ZNF274: variants seen among roughly 807,000 people sequenced by gnomAD.
ZNF274 encodes the protein neurotrophin receptor-interacting factor homolog.
A neutral mutation model predicts 42.5 loss-of-function variants in ZNF274; 23 were observed. The observed-to-expected ratio is 0.54, with a 90% CI of 0.39 to 0.77. ZNF274 has a LOEUF of 0.77. Among genes scored for constraint, ZNF274 ranks in the 30% least tolerant of loss-of-function variants. The probability of loss-of-function intolerance (pLI) is 0.00; values close to 1 mark genes in which losing one functional copy is unlikely to be tolerated. For missense variants in ZNF274, 679 were observed against 806.5 expected, an observed-to-expected ratio of 0.84 and a Z score of 1.91; for synonymous variants, 292 against 305.4, an observed-to-expected ratio of 0.96 and a Z score of 0.46.
rs939489187 is a variant in ZNF274 at position 58,204,150 on chromosome 19, G to T, written c.257-2570G>T. Among the ~76,000 whole-genome samples the T allele has an allele frequency of 5.3e-5, 8 of 152,326 alleles. No individual in the cohort carries two copies. The South Asian group carries it at 1.4e-3, about 28-fold the overall frequency. On this transcript the variant is annotated intron_variant, in intron 4 of 7. Transcript: ENST00000617501. ...CTCAGCGGAACGTCTACCCCAGCCC[G>T]CGAGGTCCGGAGAAATACCTTCAGG... is the stretch of plus-strand genomic sequence containing the variant.
intron 4 of ZNF274, among the ~76,000 whole-genome samples, chr19:58,197,412 A>G (rs993610436): frequency 2.0e-5 from 3 of 152,254 alleles, no homozygotes; most frequent in Non-Finnish European, 4.4e-5. Context: ...ATCATGTCGT[A>G]GAGAAGGCAA....
chr19:58,206,954 T>G lies in ZNF274; in HGVS notation c.491T>G (p.Phe164Cys). Reference sequence around the variant, plus strand: ...GACCCTGAGGCCGCGCGCCAGAGGTTCCGGCAGTTCCGTTATAAGGACATG... The same window carrying G: ...GACCCTGAGGCCGCGCGCCAGAGGTGCCGGCAGTTCCGTTATAAGGACATG... ...PGDPEAARQRFRQFRYKDMTG... is the reference protein window; with the variant it reads ...PGDPEAARQRCRQFRYKDMTG... The change falls in exon 5 of 8, where the codon TTC (phenylalanine) becomes TGC (cysteine). Residue 164 changes from phenylalanine to cysteine, a missense_variant. Physicochemically the swap from Phe to Cys is radical, Grantham distance 205 (BLOSUM62 -2). Coordinates refer to ENST00000617501, the MANE Select transcript of ZNF274 (RefSeq NM_133502.3). The G allele has an allele frequency of 1.2e-6, 2 of 1,610,586 alleles. No individual in the cohort carries two copies. The highest frequency in any genetic ancestry group is 2.2e-5 in the South Asian group (2 of 90,518).
At position 58,186,770 on chromosome 19, in the gene ZNF274, T is replaced by G. The variant is rs538382399; in HGVS notation, c.161-177T>G. Among the ~76,000 whole-genome samples the G allele has an allele frequency of 7.4e-4, 108 of 145,348 alleles. 3 individuals carry two copies. In the South Asian group the frequency reaches 0.021, roughly 29 times the overall value. ...ACCAGAACTGGACCCCTTAGCTGCT[T>G]GGCAAAGGAGTCTAGGAAAGCCAAC... is the stretch of plus-strand genomic sequence containing the variant. On this transcript the variant is annotated intron_variant, in intron 3 of 7. Coordinates refer to ENST00000617501, the MANE Select transcript of ZNF274 (RefSeq NM_133502.3).
In ZNF274 at chr19:58,213,270, A is replaced by G. The variant is rs2076065767; in HGVS notation, c.*127A>G. On this transcript the variant is annotated 3_prime_UTR_variant, in exon 8 of 8. Transcript: ENST00000617501. ...TTGAGTGAGGACATTCCCAAAACCAAAGGACAACTGAGGAGACTGCCCAGC... is the reference window on the plus strand; with the variant it reads ...TTGAGTGAGGACATTCCCAAAACCAGAGGACAACTGAGGAGACTGCCCAGC... 7.9e-7 allele frequency: 1 copy of G among 1,265,798 alleles called. No individual in the cohort carries two copies. The highest frequency in any genetic ancestry group is 2.5e-5 in the East Asian group (1 of 40,802). 78.4% of individuals were successfully genotyped at this position (1,265,798 alleles called of 1,614,324 possible). A position where few individuals can be genotyped will look rare whatever the true frequency, so the allele number is the denominator to read the frequency against.
intron 4 of ZNF274, among the ~76,000 whole-genome samples, chr19:58,190,338 G>T (rs1400821076): frequency 6.6e-6 from 1 of 151,960 alleles, no homozygotes; most frequent in African/African-American, 2.4e-5. Flanking sequence ...TGTAACAGTT[G>T]TGTTACATCA....
chr19:58,192,429 C>G (rs763409873), intron 4 of ZNF274, among the ~76,000 whole-genome samples: 2 of 152,094 alleles, frequency 1.3e-5, no homozygotes, highest in African/African-American at 4.8e-5. Flanking sequence ...ACTCAGTGGA[C>G]CTAGGTGAGT....
chr19:58,186,802 G>A (rs2075704782), intron 3 of ZNF274, 145 bp from the exon 4 acceptor site: 1 of 655,638 alleles, frequency 1.5e-6, no homozygotes, highest in South Asian at 1.9e-5. Context: ...CAACAACAGG[G>A]ATGGATGGAG....
intron 4 of ZNF274, among the ~76,000 whole-genome samples, chr19:58,193,491 C>T (rs1342850634): frequency 8.4e-6 from 1 of 119,156 alleles, no homozygotes; most frequent in Non-Finnish European, 1.6e-5. Context: ...GCTCTGTCAT[C>T]CAGGCTTCTG....
chr19:58,209,280 G>A (rs2076012013), intron 5 of ZNF274: 1 of 152,212 alleles, frequency 6.6e-6, no homozygotes, highest in Admixed American at 6.5e-5. Flanking sequence ...TCTAATCACT[G>A]TGGCCAAGAG....
intron 4 of ZNF274, among the ~76,000 whole-genome samples, chr19:58,189,815 C>G (rs1270510449): frequency 6.6e-6 from 1 of 152,096 alleles, no homozygotes; most frequent in African/African-American, 2.4e-5. Context: ...ACCTGTCATG[C>G]TCTTAAATTC....
intron 4 of ZNF274, among the ~76,000 whole-genome samples, chr19:58,197,691 A>G (rs1365223724): frequency 1.3e-5 from 2 of 152,220 alleles, no homozygotes; most frequent in African/African-American, 4.8e-5. Context: ...GCTTTGAAAC[A>G]AAAGGGTAGG....
At chr19:58,197,609 G>A (rs968059406) in intron 4 of ZNF274, among the ~76,000 whole-genome samples, 7 of 152,172 alleles carry the variant, frequency 4.6e-5, no homozygotes, top group African/African-American at 1.7e-4. Context: ...ATAACGTTGA[G>A]TGAATAGATG....
rs1368213157 is a variant in ZNF274 at position 58,207,224 on chromosome 19, G to A, written c.739+22G>A. On this transcript the variant is annotated intron_variant, in intron 5 of 7. Coordinates refer to ENST00000617501, the MANE Select transcript of ZNF274 (RefSeq NM_133502.3). The surrounding 1 kb of genome is among the most constrained non-coding windows in gnomAD (Gnocchi z 5.6). Reference sequence around the variant, plus strand: ...GAAGGTAAGTAGAAGGGTGGGTAGAGGGACAGCTTAATGAGGGTGTCTTGG... The same window carrying A: ...GAAGGTAAGTAGAAGGGTGGGTAGAAGGACAGCTTAATGAGGGTGTCTTGG... The A allele has an allele frequency of 6.3e-7, 1 of 1,593,218 alleles. No homozygotes were observed.
intron 4 of ZNF274, among the ~76,000 whole-genome samples, chr19:58,188,365 A>C (rs756537571): frequency 1.3e-5 from 2 of 151,730 alleles, no homozygotes; most frequent in South Asian, 4.2e-4. Flanking sequence ...TCATGGCTGT[A>C]ATCCCAGCAC....
chr19:58,210,059 A>G lies in ZNF274; in HGVS notation c.838A>G (p.Thr280Ala), dbSNP rs760396764. Residue 280 changes from threonine to alanine, a missense_variant, in exon 6 of 8, where the codon ACA becomes GCA. Coordinates refer to ENST00000617501, the MANE Select transcript of ZNF274 (RefSeq NM_133502.3). The part of the protein sequence containing the change: ...KQEDAAICPV[T>A]VLPEEPVTFQ... ...GGAGGATGCAGCCATCTGCCCAGTGACAGTGCTCCCTGAGGTAAGCGGGGA... is the reference window on the plus strand; with the variant it reads ...GGAGGATGCAGCCATCTGCCCAGTGGCAGTGCTCCCTGAGGTAAGCGGGGA... The G allele has an allele frequency of 1.2e-6, 2 of 1,613,462 alleles. No homozygotes were observed. Among genetic ancestry groups the G allele is most frequent in the Non-Finnish European group, 8.5e-7 (1 of 1,179,660 alleles).
chr19:58,195,961 G>A (rs1458825557), intron 4 of ZNF274, among the ~76,000 whole-genome samples: 1 of 152,162 alleles, frequency 6.6e-6, no homozygotes, highest in African/African-American at 2.4e-5. Flanking sequence ...GGCAGCTGGG[G>A]ACCCCTGGTT....
At chr19:58,185,115 G>A (rs144851193) in intron 2 of ZNF274, among the ~76,000 whole-genome samples, 250 of 137,972 alleles carry the variant, frequency 1.8e-3, no homozygotes, top group African/African-American at 6.6e-3. Flanking sequence ...GAGAGACTCC[G>A]TCTCAAAAAA....
chr19:58,185,880 G>A, intron 3 of ZNF274, 42 bp downstream of exon 3: 1 of 1,331,196 alleles, frequency 7.5e-7, no homozygotes, highest in Non-Finnish European at 9.7e-7. Context: ...GTGCTTTGTA[G>A]CACAAATGTA....
intron 4 of ZNF274, among the ~76,000 whole-genome samples, chr19:58,188,694 G>GTGTATATATATATATATATATATA (rs1555816897): frequency 1.3e-5 from 1 of 74,654 alleles, no homozygotes. Flanking sequence ...ATATGTATAT[G>GTGTATATATATATATATATATATA]TATATATATA....
Sources: allele counts gnomAD v4.1 joint callset (sites outside exome capture counted in the v4.1 genomes callset), GRCh38; gene constraint gnomAD v4.1.1; non-coding constraint Gnocchi (gnomAD v3.1); transcripts MANE v1.5; gene names NCBI Gene and HGNC (gene_info 2026-07-23, HGNC 2026-07-21).